COL21A1: variants seen among roughly 807,000 people sequenced by gnomAD.
The protein encoded by COL21A1 is collagen type XXI alpha 1 chain, also known as collagen alpha-1(XXI) chain.
Under a neutral mutation model 137.9 loss-of-function variants are expected in COL21A1, and 149 were observed. The observed-to-expected ratio is 1.08, with a 90% CI of 0.95 to 1.24. The LOEUF (loss-of-function observed/expected upper bound fraction) is 1.24, where lower values mean the gene tolerates loss of function less well. Ranked by LOEUF, COL21A1 falls within the 50% of genes most tolerant of loss-of-function variation. The probability of loss-of-function intolerance (pLI) is 0.00; values close to 1 mark genes in which losing one functional copy is unlikely to be tolerated. For synonymous variants in COL21A1, 456 were observed against 391.5 expected, an observed-to-expected ratio of 1.16 and a Z score of -1.95; for missense variants, 1,167 against 1,158.4, an observed-to-expected ratio of 1.01 and a Z score of -0.11.
At chr6:56,204,600 G>A (rs1253459571) in intron 1 of COL21A1, among the ~76,000 whole-genome samples, 1 of 152,146 alleles carries the variant, frequency 6.6e-6, no homozygotes. Context: ...GAAGACAGCA[G>A]CAAATCTCCC....
chr6:56,392,931 T>C (rs994063143), intron 1 of COL21A1, among the ~76,000 whole-genome samples: 3 of 151,536 alleles, frequency 2.0e-5, no homozygotes, highest in Non-Finnish European at 4.4e-5. Context: ...CCCAAAGAAA[T>C]CTACAGATTC....
intron 1 of COL21A1, among the ~76,000 whole-genome samples, chr6:56,366,601 G>C (rs1054038247): frequency 2.6e-5 from 4 of 152,164 alleles, no homozygotes; most frequent in Non-Finnish European, 5.9e-5. Flanking sequence ...AGATCTTGTG[G>C]AGCTCTGCCC....
intron 12 of COL21A1, among the ~76,000 whole-genome samples, chr6:56,127,421 G>T (rs1382496745): frequency 2.0e-5 from 3 of 151,888 alleles, no homozygotes; most frequent in South Asian, 2.1e-4. Flanking sequence ...GTATTCATTT[G>T]CATTGAAAAT....
intron 1 of COL21A1, among the ~76,000 whole-genome samples, chr6:56,193,467 T>C (rs1235216966): frequency 6.6e-6 from 1 of 152,194 alleles, no homozygotes; most frequent in Admixed American, 6.5e-5. Flanking sequence ...TTTCTAGTTG[T>C]ATGAAGCCCC....
intron 17 of COL21A1, among the ~76,000 whole-genome samples, chr6:56,092,762 C>T (rs2114213342): frequency 6.6e-6 from 1 of 152,252 alleles, no homozygotes; most frequent in Non-Finnish European, 1.5e-5. Flanking sequence ...AATGAAAAGC[C>T]TAGTGTACTA....
intron 10 of COL21A1, among the ~76,000 whole-genome samples, chr6:56,149,237 T>C (rs1322930367): frequency 6.6e-6 from 1 of 152,048 alleles, no homozygotes; most frequent in Non-Finnish European, 1.5e-5. Flanking sequence ...GCATTAAAGA[T>C]CATAATAAGA....
At chr6:56,105,949 G>C (rs1770847185) in intron 16 of COL21A1, among the ~76,000 whole-genome samples, 1 of 152,064 alleles carries the variant, frequency 6.6e-6, no homozygotes, top group Admixed American at 6.5e-5. Flanking sequence ...CACCATACTG[G>C]TTTATGCAAA....
chr6:56,183,992 T>C (rs1245278788), intron 1 of COL21A1, among the ~76,000 whole-genome samples: 2 of 151,950 alleles, frequency 1.3e-5, no homozygotes, highest in African/African-American at 4.8e-5. Context: ...TATCAAAAAA[T>C]GAAACCCCAA....
intron 16 of COL21A1, among the ~76,000 whole-genome samples, chr6:56,104,271 T>C (rs1343352942): frequency 2.0e-5 from 3 of 152,166 alleles, no homozygotes; most frequent in African/African-American, 7.2e-5. Context: ...TCTTCAATGT[T>C]CTATTTCAAA....
chr6:56,178,087 C>G (rs1211842071), intron 3 of COL21A1, among the ~76,000 whole-genome samples: 2 of 152,068 alleles, frequency 1.3e-5, no homozygotes, highest in Non-Finnish European at 2.9e-5. Context: ...TACCAAAATA[C>G]AGATCCACAG....
At chr6:56,123,565 T>A (rs1772737580) in intron 16 of COL21A1, among the ~76,000 whole-genome samples, 1 of 152,212 alleles carries the variant, frequency 6.6e-6, no homozygotes, top group Non-Finnish European at 1.5e-5. Flanking sequence ...CCAAATCAGC[T>A]AACTCCTAAC....
chr6:56,311,488 G>A (rs950600344), intron 1 of COL21A1, among the ~76,000 whole-genome samples: 1 of 152,184 alleles, frequency 6.6e-6, no homozygotes, highest in African/African-American at 2.4e-5. Flanking sequence ...TTATGAGGGG[G>A]TTGCACCGTG....
intron 21 of COL21A1, among the ~76,000 whole-genome samples, chr6:56,069,993 A>G (rs930682239): frequency 6.6e-5 from 10 of 151,532 alleles, no homozygotes; most frequent in Non-Finnish European, 7.4e-5. Flanking sequence ...TCCACTCTCC[A>G]TCATCCTATA....
chr6:56,093,585 C>T (rs1769055340), intron 17 of COL21A1, among the ~76,000 whole-genome samples: 1 of 152,108 alleles, frequency 6.6e-6, no homozygotes, highest in Non-Finnish European at 1.5e-5. Context: ...ATTTCATGAC[C>T]TAGGAATACC....
At chr6:56,373,558 G>A (rs888965377) in intron 1 of COL21A1, among the ~76,000 whole-genome samples, 1 of 152,126 alleles carries the variant, frequency 6.6e-6, no homozygotes. Context: ...GCTGAGATCG[G>A]GCCACTGTAT....
intron 1 of COL21A1, among the ~76,000 whole-genome samples, chr6:56,392,572 T>G (rs1328414646): frequency 6.6e-6 from 1 of 152,130 alleles, no homozygotes; most frequent in Non-Finnish European, 1.5e-5. Flanking sequence ...TTGCAGATAA[T>G]ATGATCTTAT....
At chr6:56,358,751 T>C (rs1468209206) in intron 1 of COL21A1, among the ~76,000 whole-genome samples, 1 of 152,012 alleles carries the variant, frequency 6.6e-6, no homozygotes, top group East Asian at 1.9e-4. Flanking sequence ...AGAATATAAA[T>C]TAAAGAAGAA....
chr6:56,185,426 C>CTTTTTT (rs777045553), intron 1 of COL21A1, among the ~76,000 whole-genome samples: 44,583 of 99,018 alleles, frequency 0.45, 11,566 homozygotes, highest in East Asian at 0.68. Flanking sequence ...AATGAACAGT[C>CTTTTTT]TTTTTTTTTT....
Position 56,179,639 on chromosome 6 carries a change from A to G in COL21A1, c.579T>C (p.Tyr193=), listed in dbSNP as rs755700123. Residue 193 remains tyrosine, a synonymous_variant, in exon 3 of 30, where the codon TAT becomes TAC. Coordinates refer to ENST00000244728, the MANE Select transcript of COL21A1 (RefSeq NM_030820.4). ...TGGATATTGCAATATAGTCTTCCAC[A>G]TAAAACACATAAGTAGACGAAGGCT... is the stretch of plus-strand genomic sequence containing the variant. ...ANKPSSTYVF[Y]VEDYIAISKI... The G allele has an allele frequency of 6.2e-7, 1 of 1,613,922 alleles. No individual in the cohort carries two copies. Among genetic ancestry groups the G allele is most frequent in the South Asian group, 1.1e-5 (1 of 91,074 alleles).
Sources: gnomAD v4.1 joint callset for allele counts (sites outside exome capture counted in the v4.1 genomes callset) on GRCh38, gnomAD v4.1.1 for gene constraint, MANE v1.5 for transcripts, NCBI Gene and HGNC (gene_info 2026-07-23, HGNC 2026-07-21) for gene names.